MANBA: variants seen among roughly 807,000 people sequenced by gnomAD.
MANBA encodes beta-mannosidase.
MANBA carries 83 observed loss-of-function variants against 111.1 expected under a neutral mutation model. The ratio of observed to expected loss-of-function variants is 0.75; its 90% CI spans 0.63 to 0.90. The LOEUF is 0.90. MANBA is among the 40% of genes least tolerant of loss of function. The pLI, the probability that MANBA is intolerant of heterozygous loss-of-function variation, is 0.00. For missense variants in MANBA, 1,036 were observed against 1,069.0 expected, an observed-to-expected ratio of 0.97 and a Z score of 0.43; for synonymous variants, 370 against 378.7, an observed-to-expected ratio of 0.98 and a Z score of 0.27.
At chr4:102,726,116 C>A (rs1722786142) in intron 2 of MANBA, among the ~76,000 whole-genome samples, 1 of 150,756 alleles carries the variant, frequency 6.6e-6, no homozygotes. Flanking sequence ...AAAAAAATCA[C>A]ATAAAAGGGA....
At chr4:102,713,587 A>G (rs978350602) in intron 5 of MANBA, among the ~76,000 whole-genome samples, 1 of 152,230 alleles carries the variant, frequency 6.6e-6, no homozygotes, top group African/African-American at 2.4e-5. Flanking sequence ...CAACTTAAAA[A>G]GTACTATTTT....
chr4:102,705,700 C>T (rs1733265902), intron 5 of MANBA, among the ~76,000 whole-genome samples: 1 of 152,154 alleles, frequency 6.6e-6, no homozygotes, highest in African/African-American at 2.4e-5. Context: ...TGGATATCAT[C>T]CTATGCCTGC....
rs537238777 is a variant in MANBA, at chr4:102,690,821, A to C, written c.674-50T>G. The C allele has an allele frequency of 3.5e-5, 24 of 690,324 alleles. No individual in the cohort carries two copies. In the South Asian group the frequency reaches 9.4e-4, roughly 27 times the overall value. The allele number at this position is 690,324 out of a possible 1,614,324, so 42.8% of individuals were successfully genotyped here. Reference sequence around the variant, plus strand: ...TATATATATATATATATAATATGCTAAGCATTATCACTGCATTTCTCAGGA... The same window carrying C: ...TATATATATATATATATAATATGCTCAGCATTATCACTGCATTTCTCAGGA... On this transcript the variant is annotated intron_variant, in intron 5 of 16. Coordinates refer to ENST00000647097, the MANE Select transcript of MANBA (RefSeq NM_005908.4).
In MANBA at chr4:102,635,459, G is replaced by T. The variant is rs371925423; in HGVS notation, c.2157+406C>A. ...TAAAACAAATTTGCTTTCCACATGC[G>T]CATTCTGAATAGTTTTACTGATTTT... is the stretch of plus-strand genomic sequence containing the variant. On this transcript the variant is annotated intron_variant, in intron 15 of 16. Transcript: ENST00000647097. Among the ~76,000 whole-genome samples, 23 of 151,962 alleles carry T rather than the reference G, an allele frequency of 1.5e-4. No individual in the cohort carries two copies. In the East Asian group the frequency reaches 3.1e-3, roughly 20 times the overall value.
Position 102,631,656 on chromosome 4 carries a change from C to T in MANBA, c.*401G>A, listed in dbSNP as rs4013. The T allele has an allele frequency of 0.52, 233,999 of 446,354 alleles. 62,577 individuals carry two copies. Among genetic ancestry groups the T allele is most frequent in the Admixed American group, 0.64 (16,797 of 26,234 alleles). 27.6% of individuals were successfully genotyped at this position (446,354 alleles called of 1,614,324 possible). ...AACAAAGCACTTTATTTGAGTATTC[C>T]GTATTCCCCAAAGCTAGCTGTGAAA... On this transcript the variant is annotated 3_prime_UTR_variant, in exon 17 of 17. Coordinates refer to ENST00000647097, the MANE Select transcript of MANBA (RefSeq NM_005908.4).
intron 11 of MANBA, among the ~76,000 whole-genome samples, chr4:102,662,038 C>T (rs1214228499): frequency 6.6e-6 from 1 of 152,018 alleles, no homozygotes; most frequent in Non-Finnish European, 1.5e-5. Flanking sequence ...GCCCATGGCT[C>T]GTTTTAAGAT....
chr4:102,648,115 C>T (rs1376400760), intron 13 of MANBA, among the ~76,000 whole-genome samples: 1 of 151,922 alleles, frequency 6.6e-6, no homozygotes, highest in African/African-American at 2.4e-5. Flanking sequence ...GGTTCATGAA[C>T]TAAAATAGGC....
chr4:102,672,561 T>A (rs1158751639), intron 8 of MANBA, among the ~76,000 whole-genome samples: 1 of 152,184 alleles, frequency 6.6e-6, no homozygotes, highest in Non-Finnish European at 1.5e-5. Context: ...AGTTAAAAGG[T>A]TACTATAGTG....
chr4:102,658,220 T>C (rs971063246), intron 11 of MANBA, among the ~76,000 whole-genome samples: 1 of 152,232 alleles, frequency 6.6e-6, no homozygotes, highest in African/African-American at 2.4e-5. Context: ...ACTTTGACAC[T>C]ATTGACATTT....
chr4:102,676,721 T>C (rs1459437020), intron 7 of MANBA, among the ~76,000 whole-genome samples: 1 of 152,158 alleles, frequency 6.6e-6, no homozygotes, highest in Non-Finnish European at 1.5e-5. Flanking sequence ...TTGGCAACAA[T>C]ATACAAGAGG....
At chr4:102,687,468 AC>A (rs1421490696) in intron 7 of MANBA, among the ~76,000 whole-genome samples, 1 of 152,154 alleles carries the variant, frequency 6.6e-6, no homozygotes, top group East Asian at 1.9e-4. Context: ...AGCTACTTTT[AC>A]AACACCATCT....
At chr4:102,707,653 T>C (rs1342263249) in intron 5 of MANBA, among the ~76,000 whole-genome samples, 2 of 152,170 alleles carry the variant, frequency 1.3e-5, no homozygotes, top group African/African-American at 2.4e-5. Context: ...TAAGCCCTCA[T>C]ATATCAATAA....
chr4:102,752,088 C>A, intron 1 of MANBA: 1 of 760,004 alleles, frequency 1.3e-6, no homozygotes, highest in South Asian at 1.4e-5. Flanking sequence ...TGGAGGAATC[C>A]ACAAATCGAC....
intron 11 of MANBA, among the ~76,000 whole-genome samples, chr4:102,664,000 T>A (rs1159731089): frequency 1.3e-5 from 2 of 152,194 alleles, no homozygotes; most frequent in African/African-American, 4.8e-5. Flanking sequence ...ACCAGGACAT[T>A]CATATGTGAT....
chr4:102,752,768 A>C, intron 1 of MANBA: 1 of 347,976 alleles, frequency 2.9e-6, no homozygotes, highest in South Asian at 2.3e-5. Context: ...CACTCTTCAT[A>C]ACAGCTAACA....
intron 5 of MANBA, among the ~76,000 whole-genome samples, chr4:102,692,589 T>C (rs1372022105): frequency 6.6e-6 from 1 of 152,090 alleles, no homozygotes; most frequent in Non-Finnish European, 1.5e-5. Flanking sequence ...AAACTGGTCA[T>C]GAGATCTCAA....
At chr4:102,683,790 T>G (rs1333483352) in intron 7 of MANBA, among the ~76,000 whole-genome samples, 1 of 152,240 alleles carries the variant, frequency 6.6e-6, no homozygotes, top group Non-Finnish European at 1.5e-5. Context: ...TTTGGCAGAA[T>G]TTATGATATC....
rs1285506654 is a variant in MANBA, at chr4:102,721,272, C to T, written c.549+1599G>A. The stretch of plus-strand genomic sequence containing the variant: ...ACGGGAGGCGGAGGTTGCAGTGAGC[C>T]GAGATCTCGCTACTGCACTCTAGCT... On this transcript the variant is annotated intron_variant, in intron 4 of 16. Transcript: ENST00000647097. Among the ~76,000 whole-genome samples, 6 of 151,982 alleles carry T rather than the reference C, an allele frequency of 3.9e-5. 1 individual carries two copies. The highest frequency in any genetic ancestry group is 4.2e-4 in the South Asian group (2 of 4,818).
chr4:102,716,230 AC>A (rs1258743742), intron 4 of MANBA, among the ~76,000 whole-genome samples: 1 of 147,610 alleles, frequency 6.8e-6, no homozygotes, highest in African/African-American at 2.5e-5. Context: ...AATCGCTTGA[AC>A]CCGGGAGGCG....
Sources: gnomAD v4.1 joint callset for allele counts (sites outside exome capture counted in the v4.1 genomes callset) on GRCh38, gnomAD v4.1.1 for gene constraint, MANE v1.5 for transcripts, NCBI Gene and HGNC (gene_info 2026-07-23, HGNC 2026-07-21) for gene names.